GRIK3: variants seen among roughly 807,000 people sequenced by gnomAD.
The protein encoded by GRIK3 is glutamate ionotropic receptor kainate type subunit 3.
A neutral mutation model predicts 102.5 loss-of-function variants in GRIK3; 29 were observed. The observed-to-expected ratio is 0.28, with a 90% CI of 0.21 to 0.39. The LOEUF (loss-of-function observed/expected upper bound fraction) is 0.39, where lower values mean the gene tolerates loss of function less well. Among genes scored for constraint, GRIK3 ranks in the 10% least tolerant of loss-of-function variants. GRIK3 has a pLI of 1.00. For missense variants in GRIK3, 908 were observed against 1,252.4 expected (o/e 0.73, Z 4.15); for synonymous variants, 511 against 504.9 (o/e 1.01, Z -0.16).
intron 1 of GRIK3, among the ~76,000 whole-genome samples, chr1:36,931,960 C>T (rs944131102): frequency 2.6e-5 from 4 of 152,198 alleles, no homozygotes; most frequent in Admixed American, 6.5e-5. Context: ...TGCATCAACT[C>T]TTTAGCCAAG....
At chr1:36,917,353 A>C (rs1641413083) in intron 1 of GRIK3, among the ~76,000 whole-genome samples, 1 of 152,148 alleles carries the variant, frequency 6.6e-6, no homozygotes. Flanking sequence ...CTTTTGAGCT[A>C]ATGCTGAAAT....
At chr1:36,888,210 A>G (rs374821967) in intron 2 of GRIK3, among the ~76,000 whole-genome samples, 6 of 152,368 alleles carry the variant, frequency 3.9e-5, no homozygotes, top group African/African-American at 1.4e-4. Context: ...AACACTGTAC[A>G]TCAATGAAGA....
At chr1:36,937,951 A>G (rs1267476568) in intron 1 of GRIK3, among the ~76,000 whole-genome samples, 1 of 152,242 alleles carries the variant, frequency 6.6e-6, no homozygotes, top group Non-Finnish European at 1.5e-5. Context: ...TGTACATGCC[A>G]AGCCTTTATA....
rs1019213490 is a variant in GRIK3 at position 36,880,972 on chromosome 1, CAT to C, written c.293-83_293-82del. 38 of 1,453,110 alleles carry C rather than the reference CAT, an allele frequency of 2.6e-5. No individual in the cohort carries two copies. The Middle Eastern group carries it at 5.8e-4, about 22-fold the overall frequency. 90.0% of individuals were successfully genotyped at this position (1,453,110 alleles called of 1,614,324 possible). On this transcript the variant is annotated intron_variant, in intron 2 of 15. Coordinates refer to ENST00000373091, the MANE Select transcript of GRIK3 (RefSeq NM_000831.4). This position sits in a 1 kb window ranked among gnomAD's most constrained non-coding sequence, Gnocchi z 5.4. ...ACAGTGATGCTGATGATCCTGTAAACATGTGGGAAAAACAGCAACTGGAACCC... is the reference window on the plus strand; with the variant it reads ...ACAGTGATGCTGATGATCCTGTAAACGTGGGAAAAACAGCAACTGGAACCC...
intron 1 of GRIK3, among the ~76,000 whole-genome samples, chr1:36,892,515 C>A (rs372253051): frequency 6.1e-4 from 86 of 140,848 alleles, no homozygotes; most frequent in East Asian, 8.2e-4. Flanking sequence ...ATGACCAGCA[C>A]AAAAAAAAAA....
At chr1:36,992,787 G>C (rs532467133) in intron 1 of GRIK3, among the ~76,000 whole-genome samples, 1 of 152,166 alleles carries the variant, frequency 6.6e-6, no homozygotes, top group Admixed American at 6.5e-5. Context: ...AGATCCTCAC[G>C]ACTCTGTGAG....
At chr1:36,980,571 C>T (rs1377409589) in intron 1 of GRIK3, among the ~76,000 whole-genome samples, 2 of 151,900 alleles carry the variant, frequency 1.3e-5, no homozygotes, top group East Asian at 3.9e-4. Context: ...GACCGCCCCC[C>T]ACCCCACACC....
At chr1:36,823,089 A>G (rs1034580449) in intron 11 of GRIK3, among the ~76,000 whole-genome samples, 1 of 152,048 alleles carries the variant, frequency 6.6e-6, no homozygotes, top group Non-Finnish European at 1.5e-5. Flanking sequence ...CTGTGTCCAG[A>G]TCTCCAGCAG....
rs1331206230 is a variant in GRIK3, at chr1:36,797,469, G to A, written c.*4382C>T. 1 of 152,094 alleles carries A rather than the reference G, an allele frequency of 6.6e-6. No individual in the cohort carries two copies. The allele number at this position is 152,094 out of a possible 1,614,324, so 9.4% of individuals were successfully genotyped here. A position where few individuals can be genotyped will look rare whatever the true frequency, so the allele number is the denominator to read the frequency against. ...AAACTGCCATGGGGACAGAGGGCAC[G>A]GCCCTTCCATGGCAGCCAGCAGCCG... On this transcript the variant is annotated 3_prime_UTR_variant, in exon 16 of 16. Coordinates refer to ENST00000373091, the MANE Select transcript of GRIK3 (RefSeq NM_000831.4).
In GRIK3 at chr1:36,801,785, T is replaced by G; in HGVS notation, c.*66A>C. On this transcript the variant is annotated 3_prime_UTR_variant, in exon 16 of 16. Transcript: ENST00000373091. Reference sequence around the variant, plus strand: ...AGCCCAGTGCGGGGACAGGGGACGTTCCTTCCAATCTCCTTTGCTTTCCTC... The same window carrying G: ...AGCCCAGTGCGGGGACAGGGGACGTGCCTTCCAATCTCCTTTGCTTTCCTC... The G allele has an allele frequency of 7.2e-7, 1 of 1,387,422 alleles. No homozygotes were observed. The highest frequency in any genetic ancestry group is 9.8e-7 in the Non-Finnish European group (1 of 1,024,090). 85.9% of individuals were successfully genotyped at this position (1,387,422 alleles called of 1,614,324 possible).
At chr1:37,010,006 G>C (rs369589829) in intron 1 of GRIK3, among the ~76,000 whole-genome samples, 15 of 152,286 alleles carry the variant, frequency 9.8e-5, no homozygotes, top group East Asian at 7.7e-4. Flanking sequence ...CTAGAAAGAG[G>C]GGGGAGCAGA....
chr1:36,938,219 G>A (rs897024522), intron 1 of GRIK3, among the ~76,000 whole-genome samples: 5 of 152,204 alleles, frequency 3.3e-5, no homozygotes, highest in African/African-American at 9.6e-5. Flanking sequence ...AGTAGGAAAT[G>A]ATGGCACCAT....
chr1:36,988,536 C>T (rs533689409), intron 1 of GRIK3, among the ~76,000 whole-genome samples: 5 of 152,338 alleles, frequency 3.3e-5, no homozygotes, highest in African/African-American at 1.2e-4. Flanking sequence ...GAGCCCTTTC[C>T]GTGGGAGGAC....
In GRIK3 at chr1:37,009,382, C is replaced by A. The variant is rs1175080038; in HGVS notation, c.115+24612G>T. On this transcript the variant is annotated intron_variant, in intron 1 of 15. Coordinates refer to ENST00000373091, the MANE Select transcript of GRIK3 (RefSeq NM_000831.4). The stretch of plus-strand genomic sequence containing the variant: ...AGAGAAGGGGCAGGTCAAGGCCAGG[C>A]CAGAGCCTGGGCCCCCTCACACCCC... Among the ~76,000 whole-genome samples the A allele has an allele frequency of 2.0e-5, 3 of 152,306 alleles. No individual in the cohort carries two copies. In the East Asian group the frequency reaches 5.8e-4, roughly 29 times the overall value.
At chr1:36,971,559 G>A (rs1273102060) in intron 1 of GRIK3, among the ~76,000 whole-genome samples, 1 of 152,158 alleles carries the variant, frequency 6.6e-6, no homozygotes, top group South Asian at 2.1e-4. Context: ...TGTGCCTTAA[G>A]AAGGATGAGA....
chr1:37,023,769 T>C (rs1186486342), intron 1 of GRIK3, among the ~76,000 whole-genome samples: 2 of 152,148 alleles, frequency 1.3e-5, no homozygotes, highest in Non-Finnish European at 2.9e-5. Flanking sequence ...CCAACCATAC[T>C]ATAGGCTAAT....
At chr1:37,017,669 G>A (rs971398220) in intron 1 of GRIK3, among the ~76,000 whole-genome samples, 7 of 152,120 alleles carry the variant, frequency 4.6e-5, no homozygotes, top group African/African-American at 7.2e-5. Context: ...TTGAGAAGCC[G>A]AGGGCAAACC....
chr1:36,950,238 C>A (rs978081727), intron 1 of GRIK3, among the ~76,000 whole-genome samples: 2 of 152,188 alleles, frequency 1.3e-5, no homozygotes, highest in Non-Finnish European at 2.9e-5. Context: ...AGCTGAGACA[C>A]GATCAAATTG....
chr1:36,928,800 T>C (rs939835653), intron 1 of GRIK3, among the ~76,000 whole-genome samples: 2 of 152,214 alleles, frequency 1.3e-5, no homozygotes, highest in African/African-American at 4.8e-5. Flanking sequence ...TCCCCAATTA[T>C]GCAGTAGGAA....
Sources: allele counts gnomAD v4.1 joint callset (sites outside exome capture counted in the v4.1 genomes callset), GRCh38; gene constraint gnomAD v4.1.1; non-coding constraint Gnocchi (gnomAD v3.1); transcripts MANE v1.5; gene names NCBI Gene and HGNC (gene_info 2026-07-23, HGNC 2026-07-21).